The following PMM1 variants were observed in gnomAD, a reference collection of about 807,000 sequenced individuals.
PMM1 encodes brain glucose-1,6-bisphosphatase.
A neutral mutation model predicts 34.0 loss-of-function variants in PMM1; 25 were observed. The observed-to-expected ratio is 0.73, with a 90% confidence interval of 0.54 to 1.03. PMM1 has a LOEUF of 1.03. Among genes scored for constraint, PMM1 ranks in the 50% least tolerant of loss-of-function variants. The pLI, the probability that PMM1 is intolerant of heterozygous loss-of-function variation, is 0.00. For synonymous variants in PMM1, 134 were observed against 143.9 expected (o/e 0.93, Z 0.49); for missense variants, 321 against 350.1 (o/e 0.92, Z 0.66).
intron 5 of PMM1, among the ~76,000 whole-genome samples, chr22:41,582,627 G>T (rs2067259488): frequency 6.6e-6 from 1 of 152,092 alleles, no homozygotes. Context: ...TACTTGGGGA[G>T]AAATAAGGTA....
At chr22:41,580,245 G>A (rs1239938120) in intron 5 of PMM1, 1 of 152,362 alleles carries the variant, frequency 6.6e-6, no homozygotes, top group Admixed American at 6.5e-5. Context: ...CTAAGGAAGG[G>A]AAGTACTCAT....
chr22:41,585,454 G>T lies in PMM1; in HGVS notation c.205+622C>A, dbSNP rs2067296835. 3 of 150,282 alleles carry T rather than the reference G, an allele frequency of 2.0e-5. No individual in the cohort carries two copies. In the South Asian group the frequency reaches 6.3e-4, roughly 32 times the overall value. The allele number at this position is 150,282 out of a possible 1,614,324, so 9.3% of individuals were successfully genotyped here. ...TTTTGACAAATGGTAGCCATCATTG[G>T]TTCTGCCCTTTTATTTATTTATTTA... On this transcript the variant is annotated intron_variant, in intron 2 of 7. Transcript: ENST00000216259.
chr22:41,577,731 T>G lies in PMM1; in HGVS notation c.666+77A>C, dbSNP rs1211151752. On this transcript the variant is annotated intron_variant, in intron 7 of 7. Coordinates refer to ENST00000216259, the MANE Select transcript of PMM1 (RefSeq NM_002676.3). ...TGTTCTGGCCTTGACCTCAGGTGAT[T>G]TGCATTGGAGAAGCCACCAGACCTG... is the stretch of plus-strand genomic sequence containing the variant. 5 of 1,115,686 alleles carry G rather than the reference T, an allele frequency of 4.5e-6. No individual in the cohort carries two copies. In the African/African-American group the frequency reaches 7.7e-5, roughly 17 times the overall value. 69.1% of individuals were successfully genotyped at this position (1,115,686 alleles called of 1,614,324 possible).
At chr22:41,579,692 G>A (rs1025180827) in intron 5 of PMM1, 1 of 152,866 alleles carries the variant, frequency 6.5e-6, no homozygotes, top group Non-Finnish European at 1.5e-5. Context: ...GTCAGAGCCG[G>A]GTAGGACTGG....
intron 1 of PMM1, among the ~76,000 whole-genome samples, chr22:41,587,110 T>C (rs113583931): frequency 0.017 from 2,624 of 150,462 alleles, 77 homozygotes; most frequent in African/African-American, 0.06. Flanking sequence ...TACTAAAAAA[T>C]ACAAAAAAAT....
chr22:41,577,877 G>A lies in PMM1; in HGVS notation c.597C>T (p.Arg199=). 3 of 1,613,546 alleles carry A rather than the reference G, an allele frequency of 1.9e-6. No individual in the cohort carries two copies. Among genetic ancestry groups the A allele is most frequent in the Non-Finnish European group, 2.5e-6 (3 of 1,179,990 alleles). The change falls in exon 7 of 8, where the codon CGC becomes CGT. Residue 199 remains arginine, a synonymous_variant. Coordinates refer to ENST00000216259, the MANE Select transcript of PMM1 (RefSeq NM_002676.3). ...FDVFPEGWDK[R]YCLDSLDQDS... is the part of the protein sequence containing the mutation. ...CCTGGTCCAGGCTATCCAGGCAGTA[G>A]CGCTTGTCCCAGCCCTCGGGGAAGA...
rs139500552 is a variant in PMM1, at chr22:41,583,111, T to A, written c.474+848A>T. Among the ~76,000 whole-genome samples, 71 of 151,468 alleles carry A rather than the reference T, an allele frequency of 4.7e-4. 1 individual carries two copies. The Middle Eastern group carries it at 0.021, about 44-fold the overall frequency. ...AGCAGGGGGCTAGGACATCATCCAG[T>A]TGGCAACGAGGAGCCAAGGAAGGAT... On this transcript the variant is annotated intron_variant, in intron 5 of 7. Coordinates refer to ENST00000216259, the MANE Select transcript of PMM1 (RefSeq NM_002676.3).
intron 5 of PMM1, among the ~76,000 whole-genome samples, chr22:41,582,817 G>C (rs1271358007): frequency 6.6e-6 from 1 of 152,168 alleles, no homozygotes; most frequent in Non-Finnish European, 1.5e-5. Flanking sequence ...AGAGGGCAGG[G>C]AGAGCCACCG....
chr22:41,582,732 G>A (rs539593886), intron 5 of PMM1, among the ~76,000 whole-genome samples: 2 of 152,226 alleles, frequency 1.3e-5, no homozygotes, highest in South Asian at 2.1e-4. Context: ...GGGGAGGGAC[G>A]AGCTGGGCCT....
rs764848379 is a variant in PMM1, at chr22:41,577,451, A to T, written c.667-11T>A. 1 of 1,607,978 alleles carries T rather than the reference A, an allele frequency of 6.2e-7. No individual in the cohort carries two copies. Among genetic ancestry groups the T allele is most frequent in the African/African-American group, 1.3e-5 (1 of 74,990 alleles). ...AAAGTCGTTCCCACCCTGCACACAG[A>T]GGATGGGCAGAGGAGGGATATTTAG... is the stretch of plus-strand genomic sequence containing the variant. On this transcript the variant is annotated splice_polypyrimidine_tract_variant and intron_variant, in intron 7 of 7. Coordinates refer to ENST00000216259, the MANE Select transcript of PMM1 (RefSeq NM_002676.3).
At chr22:41,589,055 C>G in intron 1 of PMM1, 9 of 1,295,224 alleles carry the variant, frequency 6.9e-6, no homozygotes, top group Non-Finnish European at 9.2e-6. Flanking sequence ...CTCTTACCCT[C>G]ACTATTCCTC....
rs1056307457 is a variant in PMM1, at chr22:41,577,924, C to T, written c.551-1G>A. 6.2e-6 allele frequency: 10 copies of T among 1,609,898 alleles called. No homozygotes were observed. Among genetic ancestry groups the T allele is most frequent in the Non-Finnish European group, 8.5e-6 (10 of 1,176,840 alleles). ...AAGACGTCAAAGCTGATCATGCCTC[C>T]TGTGGGCAGGGGTGGGGACTGTTAT... On this transcript the variant is annotated splice_acceptor_variant, in intron 6 of 7. Transcript: ENST00000216259. LOFTEE classifies it high-confidence loss of function.
At chr22:41,578,279 G>C (rs61020391) in intron 6 of PMM1, among the ~76,000 whole-genome samples, 1,909 of 152,278 alleles carry the variant, frequency 0.013, 35 homozygotes, top group African/African-American at 0.043. Context: ...GGAGAGGTAG[G>C]GGGAGGACGG....
At chr22:41,589,593 G>T in intron 1 of PMM1, 126 bp downstream of exon 1, 1 of 800,592 alleles carries the variant, frequency 1.2e-6, no homozygotes, top group South Asian at 1.7e-5. Context: ...TCAGGGGGCC[G>T]GGTACCGCCG....
chr22:41,584,604 C>T lies in PMM1; in HGVS notation c.206-1G>A. On this transcript the variant is annotated splice_acceptor_variant, in intron 2 of 7. Coordinates refer to ENST00000216259, the MANE Select transcript of PMM1 (RefSeq NM_002676.3). LOFTEE classifies it high-confidence loss of function. The stretch of plus-strand genomic sequence containing the variant: ...AACACATAATCAAACTTCTCAATGA[C>T]TTCAGGGTCACATAGAGGACAGGAG... 1 of 1,612,564 alleles carries T rather than the reference C, an allele frequency of 6.2e-7. No individual in the cohort carries two copies. Among genetic ancestry groups the T allele is most frequent in the Non-Finnish European group, 8.5e-7 (1 of 1,178,880 alleles).
At chr22:41,584,079 G>A (rs747578468) in intron 4 of PMM1, 21 bp from the exon 5 acceptor site, 2 of 1,578,988 alleles carry the variant, frequency 1.3e-6, no homozygotes, top group East Asian at 4.5e-5. Flanking sequence ...GGGAGGGCGG[G>A]GAGCCAGAGA....
chr22:41,589,229 G>A (rs2067350497), intron 1 of PMM1: 1 of 733,204 alleles, frequency 1.4e-6, no homozygotes, highest in Admixed American at 2.3e-5. Flanking sequence ...GGCCTGCAAA[G>A]GTCGGGGTGG....
intron 1 of PMM1, 153 bp downstream of exon 1, chr22:41,589,566 G>C: frequency 1.5e-6 from 1 of 653,846 alleles, no homozygotes; most frequent in South Asian, 1.8e-5. Context: ...CTCACTCCCG[G>C]TGGGTGGCCC....
intron 1 of PMM1, among the ~76,000 whole-genome samples, chr22:41,587,642 T>C (rs375408430): frequency 6.6e-6 from 1 of 151,832 alleles, no homozygotes; most frequent in Non-Finnish European, 1.5e-5. Flanking sequence ...AACAACAAAA[T>C]AGCATCACAA....
Sources: gnomAD v4.1 joint callset for allele counts (sites outside exome capture counted in the v4.1 genomes callset) on GRCh38, gnomAD v4.1.1 for gene constraint, MANE v1.5 for transcripts, NCBI Gene and HGNC (gene_info 2026-07-23, HGNC 2026-07-21) for gene names.